The following CLINT1 variants were observed in gnomAD, a reference collection of about 807,000 sequenced individuals.
CLINT1 encodes the protein clathrin interacting protein localized in the trans-Golgi region.
CLINT1 carries 15 observed loss-of-function variants against 70.4 expected under a neutral mutation model. The observed-to-expected ratio is 0.21, with a 90% CI of 0.14 to 0.33. The LOEUF is 0.33. Ranked by LOEUF, CLINT1 falls within the 10% of genes least tolerant of loss-of-function variation. CLINT1 has a pLI of 1.00. For missense variants in CLINT1, 615 were observed against 778.1 expected, an observed-to-expected ratio of 0.79 and a Z score of 2.49; for synonymous variants, 227 against 254.7, an observed-to-expected ratio of 0.89 and a Z score of 1.04.
chr5:157,848,596 C>T (rs377433000), intron 1 of CLINT1, among the ~76,000 whole-genome samples: 2 of 151,210 alleles, frequency 1.3e-5, no homozygotes, highest in East Asian at 4.0e-4. Flanking sequence ...CTCTGCCTCC[C>T]GGGTTCAAGT....
chr5:157,797,977 A>C (rs1421871877), intron 8 of CLINT1, among the ~76,000 whole-genome samples: 1 of 152,212 alleles, frequency 6.6e-6, no homozygotes, highest in Admixed American at 6.5e-5. Context: ...GTATGTAACT[A>C]TTTTACAAAT....
chr5:157,802,719 T>C (rs1581486165), intron 8 of CLINT1, among the ~76,000 whole-genome samples: 1 of 152,180 alleles, frequency 6.6e-6, no homozygotes, highest in East Asian at 1.9e-4. Flanking sequence ...CTAATTTTTG[T>C]ATTTTCAGTA....
At position 157,807,863 on chromosome 5, in the gene CLINT1, G is replaced by A. The variant is rs376928205; in HGVS notation, c.696-1751C>T. 1.6e-3 allele frequency among the ~76,000 whole-genome samples: 243 copies of A among 152,120 alleles called. 2 individuals carry two copies. The highest frequency in any genetic ancestry group is 5.4e-3 in the African/African-American group (226 of 41,550). ...CAGATATCTAACCAGCCTACATAGC[G>A]TTATTGTTTATAAGTAAAACCTAAG... On this transcript the variant is annotated intron_variant, in intron 6 of 11. Transcript: ENST00000411809.
At chr5:157,810,744 A>G (rs191925467) in intron 5 of CLINT1, among the ~76,000 whole-genome samples, 2 of 152,350 alleles carry the variant, frequency 1.3e-5, no homozygotes, top group Admixed American at 1.3e-4. Flanking sequence ...AAAAGAAAAC[A>G]TTAAAAATTA....
Position 157,829,039 on chromosome 5 carries a change from T to C in CLINT1, c.42-11492A>G, listed in dbSNP as rs545806652. Among the ~76,000 whole-genome samples the C allele has an allele frequency of 1.1e-4, 16 of 149,764 alleles. No homozygotes were observed. The East Asian group carries it at 3.1e-3, about 29-fold the overall frequency. ...ATTGGTTGAACCCGGGAAGCGGAGG[T>C]TGCAGTGAGTGGAGATCACACCATT... is the stretch of plus-strand genomic sequence containing the variant. On this transcript the variant is annotated intron_variant, in intron 1 of 11. Coordinates refer to ENST00000411809, the MANE Select transcript of CLINT1 (RefSeq NM_014666.4).
intron 6 of CLINT1, among the ~76,000 whole-genome samples, chr5:157,806,743 T>C (rs1762397337): frequency 6.6e-6 from 1 of 152,192 alleles, no homozygotes; most frequent in Admixed American, 6.5e-5. Context: ...TATATAACTA[T>C]AGAAAATGCT....
intron 1 of CLINT1, among the ~76,000 whole-genome samples, chr5:157,857,696 C>T (rs1561682362): frequency 6.6e-6 from 1 of 152,158 alleles, no homozygotes; most frequent in African/African-American, 2.4e-5. Context: ...GGATAAGTAA[C>T]TTCCCCAAGG....
At chr5:157,799,605 T>C (rs28631158) in intron 8 of CLINT1, among the ~76,000 whole-genome samples, 2,258 of 152,176 alleles carry the variant, frequency 0.015, 56 homozygotes, top group African/African-American at 0.051. Context: ...AAGAGACAAG[T>C]TGGACTTCTT....
At chr5:157,849,328 T>C (rs1753493840) in intron 1 of CLINT1, among the ~76,000 whole-genome samples, 1 of 152,226 alleles carries the variant, frequency 6.6e-6, no homozygotes, top group Non-Finnish European at 1.5e-5. Context: ...AAATACCTGC[T>C]GAAAGCTCAG....
At chr5:157,823,642 T>A (rs992763407) in intron 1 of CLINT1, 13 of 301,226 alleles carry the variant, frequency 4.3e-5, no homozygotes, top group Admixed American at 6.5e-5. Flanking sequence ...AGTCACCTTT[T>A]ATCCTCAATG....
At chr5:157,837,136 T>C (rs1763449321) in intron 1 of CLINT1, among the ~76,000 whole-genome samples, 1 of 152,208 alleles carries the variant, frequency 6.6e-6, no homozygotes, top group Non-Finnish European at 1.5e-5. Context: ...AAGAATATAC[T>C]GGAAGCTGTA....
chr5:157,787,629 G>T lies in CLINT1; in HGVS notation c.*17C>A. 6.2e-7 allele frequency: 1 copy of T among 1,604,914 alleles called. No homozygotes were observed. Among genetic ancestry groups the T allele is most frequent in the Non-Finnish European group, 8.5e-7 (1 of 1,172,742 alleles). ...CAGCTAAAAATTCTTCATTCAATCT[G>T]CTTCTTTTACAATCTCTTATTTGCT... On this transcript the variant is annotated 3_prime_UTR_variant, in exon 12 of 12. Transcript: ENST00000411809.
At chr5:157,791,671 A>G in intron 10 of CLINT1, 32 bp downstream of exon 10, 1 of 1,566,204 alleles carries the variant, frequency 6.4e-7, no homozygotes, top group Non-Finnish European at 8.6e-7. Context: ...AAGATTATAA[A>G]TAACAAATTC....
At chr5:157,853,518 T>C (rs1333276032) in intron 1 of CLINT1, among the ~76,000 whole-genome samples, 2 of 152,044 alleles carry the variant, frequency 1.3e-5, no homozygotes, top group Admixed American at 6.6e-5. Context: ...GGCTCACGCC[T>C]GTAATCCCAG....
intron 1 of CLINT1, among the ~76,000 whole-genome samples, chr5:157,851,761 A>G (rs972891301): frequency 1.6e-4 from 24 of 152,072 alleles, no homozygotes; most frequent in Admixed American, 7.2e-4. Context: ...AGTACAAACC[A>G]TTCATGTGCA....
intron 1 of CLINT1, among the ~76,000 whole-genome samples, chr5:157,855,231 G>A (rs80125335): frequency 0.013 from 1,949 of 148,866 alleles, 19 homozygotes; most frequent in Non-Finnish European, 0.021. Flanking sequence ...AGAAGGATTC[G>A]CTGAGCTTGA....
At chr5:157,830,544 A>C (rs1763188002) in intron 1 of CLINT1, among the ~76,000 whole-genome samples, 1 of 151,986 alleles carries the variant, frequency 6.6e-6, no homozygotes, top group Non-Finnish European at 1.5e-5. Context: ...TTTTAAAAAT[A>C]CTGTACTTCA....
intron 1 of CLINT1, among the ~76,000 whole-genome samples, chr5:157,828,974 C>T (rs997097315): frequency 1.1e-4 from 17 of 149,984 alleles, no homozygotes; most frequent in South Asian, 8.5e-4. Context: ...TGGTGGTGTG[C>T]TCTTGTAGTC....
At chr5:157,858,721 G>C (rs1036602566) in intron 1 of CLINT1, among the ~76,000 whole-genome samples, 6 of 152,200 alleles carry the variant, frequency 3.9e-5, no homozygotes, top group African/African-American at 1.4e-4. Flanking sequence ...TGGCCAAGAG[G>C]ATGTTTTTTT....
Sources: gnomAD v4.1 joint callset for allele counts (sites outside exome capture counted in the v4.1 genomes callset) on GRCh38, gnomAD v4.1.1 for gene constraint, MANE v1.5 for transcripts, NCBI Gene and HGNC (gene_info 2026-07-23, HGNC 2026-07-21) for gene names.